Variants in ARHGEF17 observed in about 807,000 individuals in gnomAD.
The protein encoded by ARHGEF17 is 164 kDa Rho-specific guanine-nucleotide exchange factor.
Under a neutral mutation model 174.0 loss-of-function variants are expected in ARHGEF17, and 80 were observed. The ratio of observed to expected loss-of-function variants is 0.46; its 90% CI spans 0.38 to 0.55. The LOEUF is 0.55. Among genes scored for constraint, ARHGEF17 ranks in the 20% least tolerant of loss-of-function variants. The pLI, the probability that ARHGEF17 is intolerant of heterozygous loss-of-function variation, is 0.00. For missense variants in ARHGEF17, 2,886 were observed against 2,839.7 expected, an observed-to-expected ratio of 1.02 and a Z score of -0.37; for synonymous variants, 1,311 against 1,189.1, an observed-to-expected ratio of 1.10 and a Z score of -2.11.
rs1276688331 is a variant in ARHGEF17 at position 73,357,060 on chromosome 11, C to G, written c.3927C>G (p.Phe1309Leu). Residue 1309 changes from phenylalanine to leucine, a missense_variant, in exon 8 of 21, where the codon TTC becomes TTG. Physicochemically the swap from Phe to Leu is conservative, Grantham distance 22. This residue lies in a region of ARHGEF17 where 353 missense variants were observed against 470.3 expected (regional missense o/e 0.75). Transcript: ENST00000263674. The stretch of plus-strand genomic sequence containing the variant: ...GTGGCAAGAAGGACCGGTCTCTCTT[C>G]CTGTTCACGGACCTCATCGTCTGCA... ...AIGGKKDRSL[F>L]LFTDLIVCTT... 6.2e-7 allele frequency: 1 copy of G among 1,614,212 alleles called. No homozygotes were observed. Among genetic ancestry groups the G allele is most frequent in the East Asian group, 2.2e-5 (1 of 44,882 alleles).
rs1246692950 is a variant in ARHGEF17, at chr11:73,346,973, G to GC, written c.3270+16dup. ...CACCCTGATGCAGGTGGGGCTCGGG[G>GC]CCCACTCCCCTGAGAATGGCCTTTC... On this transcript the variant is annotated intron_variant, in intron 2 of 20. Transcript: ENST00000263674. 6.3e-7 allele frequency: 1 copy of GC among 1,588,582 alleles called. No individual in the cohort carries two copies. Among genetic ancestry groups the GC allele is most frequent in the Non-Finnish European group, 8.6e-7 (1 of 1,164,288 alleles).
At position 73,330,821 on chromosome 11, in the gene ARHGEF17, G is replaced by T. The variant is rs533715255; in HGVS notation, c.3193-16062G>T. Among the ~76,000 whole-genome samples, 9 of 152,338 alleles carry T rather than the reference G, an allele frequency of 5.9e-5. No individual in the cohort carries two copies. The South Asian group carries it at 1.7e-3, about 28-fold the overall frequency. On this transcript the variant is annotated intron_variant, in intron 1 of 20. Coordinates refer to ENST00000263674, the MANE Select transcript of ARHGEF17 (RefSeq NM_014786.4). ...TAGCGCCCACTCAGGCTTGGCCCAAGAAGATGGAGGGCTGGCAGCAGAATT... is the reference window on the plus strand; with the variant it reads ...TAGCGCCCACTCAGGCTTGGCCCAATAAGATGGAGGGCTGGCAGCAGAATT...
chr11:73,359,147 C>G (rs1591759416), intron 9 of ARHGEF17, among the ~76,000 whole-genome samples: 1 of 152,170 alleles, frequency 6.6e-6, no homozygotes, highest in South Asian at 2.1e-4. Context: ...TTATATACAC[C>G]AATAACACAT....
chr11:73,309,071 T>C lies in ARHGEF17; in HGVS notation c.433T>C (p.Ser145Pro). The C allele has an allele frequency of 6.6e-7, 1 of 1,513,438 alleles. No homozygotes were observed. Among genetic ancestry groups the C allele is most frequent in the Admixed American group, 2.1e-5 (1 of 47,610 alleles). 93.8% of individuals were successfully genotyped at this position (1,513,438 alleles called of 1,614,324 possible). A position where few individuals can be genotyped will look rare whatever the true frequency, so the allele number is the denominator to read the frequency against. Residue 145 changes from serine to proline, a missense_variant, in exon 1 of 21, where the codon TCT becomes CCT. Around this residue, in one of 4 missense-constraint regions of ARHGEF17, gnomAD observed 1,728 missense variants for 1,461.2 expected, o/e 1.18. Coordinates refer to ENST00000263674, the MANE Select transcript of ARHGEF17 (RefSeq NM_014786.4). ...TGGCTCCAGGAGGCCCAGCGCCGACTCTGAATCCCCAGGAACGCCCAGCCC... is the reference window on the plus strand; with the variant it reads ...TGGCTCCAGGAGGCCCAGCGCCGACCCTGAATCCCCAGGAACGCCCAGCCC... Reference protein sequence around the residue: ...GPGSRRPSADSESPGTPSPDG... With the variant: ...GPGSRRPSADPESPGTPSPDG...
chr11:73,367,830 C>T lies in ARHGEF17; in HGVS notation c.*50C>T, dbSNP rs1467844777. On this transcript the variant is annotated 3_prime_UTR_variant, in exon 21 of 21. Transcript: ENST00000263674. ...CGCCCGCCCACCTGCCTTCAGCCTG[C>T]TTGCCTCTCCCTAGCCCACACGCAG... is the stretch of plus-strand genomic sequence containing the variant. 4.5e-6 allele frequency: 7 copies of T among 1,556,664 alleles called. No individual in the cohort carries two copies. The highest frequency in any genetic ancestry group is 6.1e-6 in the Non-Finnish European group (7 of 1,143,002).
intron 1 of ARHGEF17, among the ~76,000 whole-genome samples, chr11:73,322,131 G>A (rs1399458461): frequency 1.3e-5 from 2 of 152,194 alleles, no homozygotes; most frequent in African/African-American, 4.8e-5. Flanking sequence ...GGGAAGGGGT[G>A]GATAGATGGG....
chr11:73,362,524 G>A lies in ARHGEF17; in HGVS notation c.4786G>A (p.Ala1596Thr), dbSNP rs1415728047. Residue 1596 changes from alanine (A) to threonine (T), a missense_variant, in exon 14 of 21, where the codon GCC (alanine) becomes ACC (threonine). Physicochemically the swap from Ala to Thr is moderately conservative, Grantham distance 58 (BLOSUM62 0). Around this residue, in one of 4 missense-constraint regions of ARHGEF17, gnomAD observed 476 missense variants for 473.1 expected, o/e 1.01. Coordinates refer to ENST00000263674, the MANE Select transcript of ARHGEF17 (RefSeq NM_014786.4). ...LDVEAAADEE[A>T]ATLAEPGPQP... is the part of the protein sequence containing the mutation. The stretch of plus-strand genomic sequence containing the variant: ...CGTCGAGGCCGCTGCAGACGAGGAA[G>A]CCGCGACGCTCGCGGAGCCGGGGCC... The A allele has an allele frequency of 6.2e-7, 1 of 1,605,474 alleles. No individual in the cohort carries two copies. Among genetic ancestry groups the A allele is most frequent in the Non-Finnish European group, 8.5e-7 (1 of 1,178,334 alleles).
In ARHGEF17 at chr11:73,311,098, C is replaced by T. The variant is rs1406881269; in HGVS notation, c.2460C>T (p.Gly820=). The change falls in exon 1 of 21, where the codon GGC becomes GGT. Residue 820 remains glycine (G), a synonymous_variant. Transcript: ENST00000263674. The part of the protein sequence containing the change: ...LGRVVDDRIA[G]KAPKKKSLSD... ...GTGTGGTGGACGACAGGATTGCTGG[C>T]AAAGCCCCCAAGAAGAAATCCCTGA... is the stretch of plus-strand genomic sequence containing the variant. 4 of 1,607,062 alleles carry T rather than the reference C, an allele frequency of 2.5e-6. No homozygotes were observed. Among genetic ancestry groups the T allele is most frequent in the South Asian group, 1.1e-5 (1 of 90,776 alleles).
rs1486472751 is a variant in ARHGEF17 at position 73,309,877 on chromosome 11, G to C, written c.1239G>C (p.Trp413Cys). ...GGTCTAGTAGGGGTTCTGGGGGCTG[G>C]GGCGTGTACCGCTCCCCTAGCTTTG... ...DLWSSRGSGG[W>C]GVYRSPSFGA... The change falls in exon 1 of 21, where the codon TGG (tryptophan) becomes TGC (cysteine). Residue 413 changes from tryptophan (W) to cysteine (C), a missense_variant. By Grantham distance (215) the Trp-to-Cys change is radical. Transcript: ENST00000263674. 1.9e-6 allele frequency: 3 copies of C among 1,612,890 alleles called. No individual in the cohort carries two copies. Among genetic ancestry groups the C allele is most frequent in the Non-Finnish European group, 1.7e-6 (2 of 1,179,806 alleles).
chr11:73,321,597 G>A (rs912669780), intron 1 of ARHGEF17, among the ~76,000 whole-genome samples: 2 of 152,252 alleles, frequency 1.3e-5, no homozygotes, highest in South Asian at 2.1e-4. Flanking sequence ...GAGAATGCTT[G>A]TGGAGCGCTC....
At chr11:73,366,076 C>A in intron 20 of ARHGEF17, 129 bp downstream of exon 20, 1 of 1,225,010 alleles carries the variant, frequency 8.2e-7, no homozygotes, top group Non-Finnish European at 1.1e-6. Flanking sequence ...GCATATGTGA[C>A]AGGAAATACA....
chr11:73,328,294 C>A (rs1865136613), intron 1 of ARHGEF17, among the ~76,000 whole-genome samples: 1 of 152,196 alleles, frequency 6.6e-6, no homozygotes, highest in South Asian at 2.1e-4. Flanking sequence ...GGATGGGACT[C>A]TGCAGGCTGG....
chr11:73,365,483 C>T lies in ARHGEF17; in HGVS notation c.5644C>T (p.His1882Tyr), dbSNP rs368091173. The change falls in exon 19 of 21, where the codon CAC (histidine) becomes TAC (tyrosine). Residue 1882 changes from histidine to tyrosine, a missense_variant. By Grantham distance (83) the His-to-Tyr change is moderately conservative. Transcript: ENST00000263674. The surrounding 1 kb of genome is among the most constrained non-coding windows in gnomAD (Gnocchi z 4.9). ...GTGGGTGACATTGAAAGGTAGTGCC[C>T]ACGTGTGTCTCTACCATCCAGACAC... Reference protein sequence around the residue: ...GVWVTLKGSAHVCLYHPDTFE... With the variant: ...GVWVTLKGSAYVCLYHPDTFE... The T allele has an allele frequency of 2.7e-5, 43 of 1,613,946 alleles. No individual in the cohort carries two copies. The highest frequency in any genetic ancestry group is 3.6e-5 in the Non-Finnish European group (43 of 1,180,032).
Position 73,308,708 on chromosome 11 carries a change from G to C in ARHGEF17, c.70G>C (p.Gly24Arg). 2.6e-6 allele frequency: 4 copies of C among 1,514,222 alleles called. No homozygotes were observed. Among genetic ancestry groups the C allele is most frequent in the Non-Finnish European group, 3.5e-6 (4 of 1,135,440 alleles). The allele number at this position is 1,514,222 out of a possible 1,614,324, so 93.8% of individuals were successfully genotyped here. ...VSFKLLERWS[G>R]GPGLREEDTD... ...GTTCAAGCTGCTGGAGCGCTGGAGC[G>C]GCGGCCCCGGGCTGAGGGAGGAGGA... Residue 24 changes from glycine to arginine, a missense_variant, in exon 1 of 21, where the codon GGC becomes CGC. Around this residue, in one of 4 missense-constraint regions of ARHGEF17, gnomAD observed 1,728 missense variants for 1,461.2 expected, o/e 1.18. Coordinates refer to ENST00000263674, the MANE Select transcript of ARHGEF17 (RefSeq NM_014786.4).
intron 1 of ARHGEF17, chr11:73,343,304 G>T (rs1865405395): frequency 2.5e-6 from 1 of 397,606 alleles, no homozygotes; most frequent in Non-Finnish European, 4.4e-6. Flanking sequence ...GGGCAGCCAG[G>T]GACCTGGGCC....
At chr11:73,319,065 CTTT>C (rs60978188) in intron 1 of ARHGEF17, among the ~76,000 whole-genome samples, 74 of 139,226 alleles carry the variant, frequency 5.3e-4, no homozygotes, top group African/African-American at 1.7e-3. Flanking sequence ...CTTCCTCCGT[CTTT>C]TTTTTTTTTT....
chr11:73,327,725 AGGT>A (rs751488025), intron 1 of ARHGEF17, among the ~76,000 whole-genome samples: 49 of 151,938 alleles, frequency 3.2e-4, no homozygotes, highest in Non-Finnish European at 6.8e-4. Flanking sequence ...ACCGTGGTAA[AGGT>A]GGGGAAATTT....
chr11:73,332,086 CT>C (rs1459884684), intron 1 of ARHGEF17, among the ~76,000 whole-genome samples: 1 of 152,230 alleles, frequency 6.6e-6, no homozygotes, highest in Non-Finnish European at 1.5e-5. Flanking sequence ...CCACTGACCC[CT>C]GAGGGGACCT....
At chr11:73,347,011 G>T in intron 2 of ARHGEF17, 51 bp downstream of exon 2, 2 of 1,533,286 alleles carry the variant, frequency 1.3e-6, no homozygotes, top group Non-Finnish European at 8.9e-7. Flanking sequence ...AGCCTAGGAG[G>T]CTGTCAGATG....
Sources: gnomAD v4.1 joint callset for allele counts (sites outside exome capture counted in the v4.1 genomes callset) on GRCh38, gnomAD v4.1.1 for gene constraint, gnomAD v4.1.1 regional missense constraint, Gnocchi (gnomAD v3.1) non-coding constraint, MANE v1.5 for transcripts, NCBI Gene and HGNC (gene_info 2026-07-23, HGNC 2026-07-21) for gene names.